ENTPD5: variants seen among roughly 807,000 people sequenced by gnomAD.
ENTPD5 encodes nucleoside diphosphate phosphatase ENTPD5.
A neutral mutation model predicts 60.2 loss-of-function variants in ENTPD5; 49 were observed. The observed-to-expected ratio is 0.81, with a 90% CI of 0.65 to 1.03. ENTPD5 has a LOEUF of 1.03. Among genes scored for constraint, ENTPD5 ranks in the 50% least tolerant of loss-of-function variants. The pLI, the probability that ENTPD5 is intolerant of heterozygous loss-of-function variation, is 0.00. For synonymous variants in ENTPD5, 187 were observed against 185.4 expected (o/e 1.01, Z -0.07); for missense variants, 480 against 507.6 (o/e 0.95, Z 0.52).
chr14:73,985,240 C>A (rs1211112170), intron 5 of ENTPD5, among the ~76,000 whole-genome samples: 1 of 152,128 alleles, frequency 6.6e-6, no homozygotes, highest in African/African-American at 2.4e-5. Flanking sequence ...GATTTATAAT[C>A]CTTTGGGTAT....
intron 3 of ENTPD5, among the ~76,000 whole-genome samples, chr14:74,005,364 C>CAAAAAAAAAAAAAAG (rs35560902): frequency 2.6e-5 from 3 of 117,068 alleles, no homozygotes; most frequent in Non-Finnish European, 3.3e-5. Flanking sequence ...GACTCGGTCT[C>CAAAAAAAAAAAAAAG]AAAAAAAAAG....
At chr14:73,986,787 C>T in intron 5 of ENTPD5, 27 bp downstream of exon 5, 1 of 1,551,268 alleles carries the variant, frequency 6.4e-7, no homozygotes. Context: ...CATTGAGAAT[C>T]TAAACATCAA....
chr14:73,987,011 T>C (rs1184110593), intron 4 of ENTPD5, 118 bp from the exon 5 acceptor site: 4 of 772,100 alleles, frequency 5.2e-6, no homozygotes, highest in Non-Finnish European at 9.3e-6. Flanking sequence ...TTATCCCAAA[T>C]GATCCTAGTT....
At chr14:73,955,612 A>T (rs1175041330), downstream of ENTPD5, 17 of 1,366,414 alleles carry the variant, frequency 1.2e-5, no homozygotes, top group Non-Finnish European at 1.8e-5. Flanking sequence ...GGAATCAGAC[A>T]AGGTTCACAT....
At chr14:74,014,430 G>A (rs1449220804) in intron 2 of ENTPD5, among the ~76,000 whole-genome samples, 1 of 151,136 alleles carries the variant, frequency 6.6e-6, no homozygotes, top group African/African-American at 2.4e-5. Context: ...ACAAGCCTGT[G>A]CTCCTAGCTA....
chr14:73,959,322 C>T (rs2056595213), downstream of ENTPD5: 2 of 1,614,112 alleles, frequency 1.2e-6, no homozygotes, highest in Non-Finnish European at 1.7e-6. Flanking sequence ...TCTGCCCAGG[C>T]TGTTTGTAAG....
chr14:74,017,326 AAG>A (rs72486473), intron 1 of ENTPD5, among the ~76,000 whole-genome samples: 74,599 of 145,200 alleles, frequency 0.51, 19,428 homozygotes, highest in East Asian at 0.88. Context: ...CTCAAAAAAA[AAG>A]AAAAGAAAAA....
rs114036459 is a variant in ENTPD5, at chr14:73,976,447, C to T, written c.554-35G>A. The T allele has an allele frequency of 7.7e-3, 11,957 of 1,548,694 alleles. 111 individuals are homozygous for T. Among genetic ancestry groups the T allele is most frequent in the Middle Eastern group, 0.03 (178 of 5,934 alleles). ...GAGAGCCAGCTCTAAATAGCCTCGA[C>T]ATCCTGGGCAGCCCAACACTTGTCT... On this transcript the variant is annotated intron_variant, in intron 8 of 15. Transcript: ENST00000334696.
downstream of ENTPD5, chr14:73,961,313 T>G: frequency 6.2e-7 from 1 of 1,614,226 alleles, no homozygotes; most frequent in Non-Finnish European, 8.5e-7. Context: ...AAAGCCGAGT[T>G]CTGTTTCCTC....
rs1281968533 is a variant in ENTPD5 at position 74,019,276 on chromosome 14, G to A, written c.-264C>T. The A allele has an allele frequency of 5.2e-5, 22 of 419,538 alleles. No homozygotes were observed. Among genetic ancestry groups the A allele is most frequent in the Admixed American group, 1.3e-4 (2 of 15,780 alleles). 26.0% of individuals were successfully genotyped at this position (419,538 alleles called of 1,614,324 possible). On this transcript the variant is annotated 5_prime_UTR_variant, in exon 1 of 16. Transcript: ENST00000334696. ...GCGCGCGCGCCACCCTTGCGCGGCA[G>A]CCCGCCGCCCTCGGCGCGACCTCCG...
At chr14:73,956,966 T>C (rs1230520974), downstream of ENTPD5, among the ~76,000 whole-genome samples, 4 of 152,174 alleles carry the variant, frequency 2.6e-5, no homozygotes, top group Admixed American at 6.5e-5. Context: ...TGTACATGCA[T>C]AGGAAATTGT....
Position 73,974,963 on chromosome 14 carries a change from C to T in ENTPD5, c.745G>A (p.Ala249Thr). The T allele has an allele frequency of 1.9e-6, 3 of 1,613,698 alleles. No homozygotes were observed. The highest frequency in any genetic ancestry group is 2.5e-6 in the Non-Finnish European group (3 of 1,179,660). Residue 249 changes from alanine to threonine, a missense_variant, in exon 11 of 16, where the codon GCT becomes ACT. By Grantham distance (58) the Ala-to-Thr change is moderately conservative (BLOSUM62 0). Transcript: ENST00000334696. ...THSYLGFGLK[A>T]ARLATLGALE... is the part of the protein sequence containing the mutation. ...GCTCCCAGGGTTGCTAGTCTTGCAG[C>T]TTTCAATCCAAATCCCAGGTAACTG... is the stretch of plus-strand genomic sequence containing the variant.
At chr14:73,963,217 G>A, downstream of ENTPD5, 2 of 585,210 alleles carry the variant, frequency 3.4e-6, no homozygotes, top group Non-Finnish European at 3.0e-6. Flanking sequence ...AAACTTCGAA[G>A]GAAGACTTAC....
chr14:73,974,074 G>A (rs962911239), intron 11 of ENTPD5, 96 bp from the exon 12 acceptor site: 5 of 941,734 alleles, frequency 5.3e-6, no homozygotes, highest in Admixed American at 2.0e-5. Flanking sequence ...AATCACCATG[G>A]GGGCTGGGCC....
intron 10 of ENTPD5, 141 bp downstream of exon 10, chr14:73,975,795 G>T: frequency 1.6e-6 from 1 of 612,436 alleles, no homozygotes; most frequent in Non-Finnish European, 2.8e-6. Context: ...TAAGTGGACC[G>T]GGTTTCAGTT....
chr14:73,963,952 TAA>T lies in ENTPD5; in HGVS notation c.*2974_*2975del, dbSNP rs923317021. 6.6e-5 allele frequency: 10 copies of T among 152,164 alleles called. No homozygotes were observed. Among genetic ancestry groups the T allele is most frequent in the African/African-American group, 9.7e-5 (4 of 41,424 alleles). The allele number at this position is 152,164 out of a possible 1,614,324, so 9.4% of individuals were successfully genotyped here. A position where few individuals can be genotyped will look rare whatever the true frequency, so the allele number is the denominator to read the frequency against. ...GCTTTTCAGGCAAATGCAGAAAATT[TAA>T]AAGAGTCTAGAACAAAAAAGTGACA... is the stretch of plus-strand genomic sequence containing the variant. On this transcript the variant is annotated 3_prime_UTR_variant, in exon 16 of 16. Transcript: ENST00000334696.
chr14:73,988,540 T>C (rs902935479), intron 3 of ENTPD5, among the ~76,000 whole-genome samples: 11 of 152,252 alleles, frequency 7.2e-5, no homozygotes, highest in Non-Finnish European at 1.5e-4. Context: ...TCAAATCTTC[T>C]AGCTACTTTG....
chr14:73,976,155 A>T lies in ENTPD5; in HGVS notation c.643-140T>A, dbSNP rs1594861476. 8.2e-6 allele frequency: 7 copies of T among 857,632 alleles called. No homozygotes were observed. The East Asian group carries it at 1.8e-4, about 22-fold the overall frequency. 53.1% of individuals were successfully genotyped at this position (857,632 alleles called of 1,614,324 possible). The stretch of plus-strand genomic sequence containing the variant: ...TAATCTCACTAGGCTTGAGGAAACG[A>T]AGGGATTCTGAACAGTGAGATGGCA... On this transcript the variant is annotated intron_variant, in intron 9 of 15. Coordinates refer to ENST00000334696, the MANE Select transcript of ENTPD5 (RefSeq NM_001249.5).
downstream of ENTPD5, among the ~76,000 whole-genome samples, chr14:73,957,150 T>G (rs2056476871): frequency 6.6e-6 from 1 of 151,442 alleles, no homozygotes; most frequent in African/African-American, 2.4e-5. Flanking sequence ...CAGGCTGGAG[T>G]GCAGTGGCAC....
Sources: gnomAD v4.1 joint callset for allele counts (sites outside exome capture counted in the v4.1 genomes callset) on GRCh38, gnomAD v4.1.1 for gene constraint, MANE v1.5 for transcripts, NCBI Gene and HGNC (gene_info 2026-07-23, HGNC 2026-07-21) for gene names.